Variants in RNF180 observed in about 807,000 individuals in gnomAD.
RNF180 encodes ring finger protein 180.
In RNF180, 38 loss-of-function variants were observed where a neutral mutation model predicts 59.2. The observed-to-expected ratio is 0.64, with a 90% CI of 0.50 to 0.84. The LOEUF is 0.84. Among genes scored for constraint, RNF180 ranks in the 40% least tolerant of loss-of-function variants. RNF180 has a pLI of 0.00. For synonymous variants in RNF180, 262 were observed against 240.3 expected (o/e 1.09, Z -0.84); for missense variants, 705 against 700.9 (o/e 1.01, Z -0.07).
chr5:64,195,425 C>T (rs974842486), intron 1 of RNF180, among the ~76,000 whole-genome samples: 1 of 152,094 alleles, frequency 6.6e-6, no homozygotes, highest in South Asian at 2.1e-4. Context: ...TAAAGAAATA[C>T]CATGTGAAAG....
intron 1 of RNF180, among the ~76,000 whole-genome samples, chr5:64,168,024 A>G (rs2111849150): frequency 6.6e-6 from 1 of 152,104 alleles, no homozygotes; most frequent in East Asian, 1.9e-4. Flanking sequence ...ATATTTTTAG[A>G]GAGTGGTCAT....
intron 5 of RNF180, among the ~76,000 whole-genome samples, chr5:64,269,013 T>G (rs1246328885): frequency 6.6e-6 from 1 of 152,122 alleles, no homozygotes; most frequent in African/African-American, 2.4e-5. Context: ...AGATTGCTAG[T>G]TCCCATGTCC....
At chr5:64,183,673 C>A (rs1458144673) in intron 1 of RNF180, among the ~76,000 whole-genome samples, 1 of 152,100 alleles carries the variant, frequency 6.6e-6, no homozygotes, top group Non-Finnish European at 1.5e-5. Flanking sequence ...GTCTTGAATT[C>A]TTGGCCTCAA....
At chr5:64,354,529 G>T (rs1445524663) in intron 7 of RNF180, among the ~76,000 whole-genome samples, 1 of 151,572 alleles carries the variant, frequency 6.6e-6, no homozygotes, top group Non-Finnish European at 1.5e-5. Context: ...ATTTAAAGAA[G>T]CAACACCAAT....
In RNF180 at chr5:64,339,694, T is replaced by G. The variant is rs187047230; in HGVS notation, c.1579+9288T>G. On this transcript the variant is annotated intron_variant, in intron 7 of 7. Transcript: ENST00000389100. ...CCTTTGGCTTCACAAAATTAGTGGG[T>G]TTTTTTTTTTCACACACACACAAAA... Among the ~76,000 whole-genome samples the G allele has an allele frequency of 3.3e-3, 483 of 146,524 alleles. 2 individuals carry two copies. The highest frequency in any genetic ancestry group is 0.011 in the African/African-American group (444 of 40,136).
At chr5:64,340,003 A>G (rs1473981052) in intron 7 of RNF180, among the ~76,000 whole-genome samples, 5 of 152,146 alleles carry the variant, frequency 3.3e-5, no homozygotes, top group East Asian at 1.9e-4. Context: ...GACTCTGTCA[A>G]TTGTAATTCC....
intron 5 of RNF180, among the ~76,000 whole-genome samples, chr5:64,313,004 A>G (rs1475429138): frequency 6.6e-6 from 1 of 152,134 alleles, no homozygotes; most frequent in Non-Finnish European, 1.5e-5. Context: ...AATGCTTGAG[A>G]TCAGAAGTTT....
intron 1 of RNF180, among the ~76,000 whole-genome samples, chr5:64,189,801 G>A (rs1170298001): frequency 2.6e-5 from 4 of 152,198 alleles, no homozygotes; most frequent in Non-Finnish European, 4.4e-5. Flanking sequence ...ATAATACTAT[G>A]ATGGGATTAT....
chr5:64,333,769 A>C (rs552137447), intron 7 of RNF180, among the ~76,000 whole-genome samples: 1 of 152,150 alleles, frequency 6.6e-6, no homozygotes, highest in East Asian at 1.9e-4. Context: ...AGGAGTTCCA[A>C]ATAACTTAAT....
intron 5 of RNF180, among the ~76,000 whole-genome samples, chr5:64,226,208 G>A (rs1044428357): frequency 4.6e-5 from 7 of 152,236 alleles, no homozygotes; most frequent in Admixed American, 6.5e-5. Flanking sequence ...TGACAATGGC[G>A]GTTTTGTCGA....
chr5:64,327,913 T>C (rs911301756), intron 6 of RNF180, among the ~76,000 whole-genome samples: 1 of 152,222 alleles, frequency 6.6e-6, no homozygotes, highest in African/African-American at 2.4e-5. Context: ...TCTCTTTAGA[T>C]CTAATAATAC....
intron 7 of RNF180, among the ~76,000 whole-genome samples, chr5:64,365,329 T>TTA (rs1298698109): frequency 6.6e-6 from 1 of 151,746 alleles, no homozygotes; most frequent in African/African-American, 2.4e-5. Flanking sequence ...GGACCTCTTC[T>TTA]TATTGGATTC....
intron 5 of RNF180, among the ~76,000 whole-genome samples, chr5:64,283,379 T>G (rs1318792232): frequency 6.6e-6 from 1 of 152,150 alleles, no homozygotes; most frequent in Non-Finnish European, 1.5e-5. Context: ...GGATATAAGA[T>G]GGGTCTCTTG....
intron 5 of RNF180, among the ~76,000 whole-genome samples, chr5:64,231,576 T>A (rs1160757565): frequency 6.6e-6 from 1 of 152,228 alleles, no homozygotes; most frequent in East Asian, 1.9e-4. Flanking sequence ...AGGTCCCAAA[T>A]CATTATGCGA....
chr5:64,242,544 T>C (rs760659007), intron 5 of RNF180, among the ~76,000 whole-genome samples: 10 of 152,244 alleles, frequency 6.6e-5, no homozygotes, highest in South Asian at 2.1e-4. Flanking sequence ...GAAGTAATAA[T>C]ACTATAATCA....
At chr5:64,290,223 G>C (rs1390823129) in intron 5 of RNF180, among the ~76,000 whole-genome samples, 1 of 151,938 alleles carries the variant, frequency 6.6e-6, no homozygotes, top group Admixed American at 6.6e-5. Flanking sequence ...TGAGATCTAA[G>C]ATTTTGCTGT....
intron 5 of RNF180, among the ~76,000 whole-genome samples, chr5:64,265,829 C>T (rs1241354981): frequency 7.2e-5 from 11 of 152,226 alleles, no homozygotes; most frequent in Middle Eastern, 6.8e-3. Flanking sequence ...GCCATTTTCA[C>T]GATACTGATT....
intron 7 of RNF180, among the ~76,000 whole-genome samples, chr5:64,366,032 T>C (rs1035496811): frequency 2.8e-4 from 42 of 151,698 alleles, no homozygotes; most frequent in Middle Eastern, 3.4e-3. Flanking sequence ...TTGTTTATTA[T>C]GCCAACCTGT....
intron 5 of RNF180, among the ~76,000 whole-genome samples, chr5:64,304,223 A>C (rs1368592091): frequency 6.6e-6 from 1 of 151,690 alleles, no homozygotes; most frequent in African/African-American, 2.4e-5. Context: ...AAGGAGATTA[A>C]TGTTGTTTGT....
Sources: gnomAD v4.1 joint callset for allele counts (sites outside exome capture counted in the v4.1 genomes callset) on GRCh38, gnomAD v4.1.1 for gene constraint, MANE v1.5 for transcripts, NCBI Gene and HGNC (gene_info 2026-07-23, HGNC 2026-07-21) for gene names.